Variants in CDC42SE2 observed in about 807,000 individuals in gnomAD.
CDC42SE2 encodes CDC42 small effector 2.
A neutral mutation model predicts 11.5 loss-of-function variants in CDC42SE2; 3 were observed. The observed-to-expected ratio is 0.26, with a 90% CI of 0.12 to 0.67. CDC42SE2 has a LOEUF of 0.67. CDC42SE2 is among the 30% of genes least tolerant of loss of function. The probability of loss-of-function intolerance (pLI) is 0.80; values close to 1 mark genes in which losing one functional copy is unlikely to be tolerated. For synonymous variants in CDC42SE2, 33 were observed against 34.8 expected, an observed-to-expected ratio of 0.95 and a Z score of 0.18; for missense variants, 82 against 106.8, an observed-to-expected ratio of 0.77 and a Z score of 1.02.
upstream of CDC42SE2, among the ~76,000 whole-genome samples, chr5:131,244,070 A>C (rs1756560508): frequency 1.3e-5 from 2 of 152,258 alleles, no homozygotes; most frequent in Admixed American, 1.3e-4. Context: ...TTCAGGCTTT[A>C]AAACAAAAAG....
intron 1 of CDC42SE2, among the ~76,000 whole-genome samples, chr5:131,307,126 T>G (rs1757795458): frequency 6.6e-6 from 1 of 151,984 alleles, no homozygotes; most frequent in Non-Finnish European, 1.5e-5. Flanking sequence ...GCAGGTTAGT[T>G]ACATATGTAT....
chr5:131,315,308 T>A (rs1758018274), intron 1 of CDC42SE2, among the ~76,000 whole-genome samples: 1 of 152,198 alleles, frequency 6.6e-6, no homozygotes, highest in African/African-American at 2.4e-5. Flanking sequence ...AGCTTCTGAC[T>A]CTTAAGTCCA....
chr5:131,355,293 A>G (rs956281563), intron 2 of CDC42SE2, among the ~76,000 whole-genome samples: 2 of 152,174 alleles, frequency 1.3e-5, no homozygotes, highest in Admixed American at 6.6e-5. Flanking sequence ...CCTGGGCAAC[A>G]TAGTGAGACC....
chr5:131,300,900 C>T (rs1454051797), intron 1 of CDC42SE2, among the ~76,000 whole-genome samples: 1 of 152,042 alleles, frequency 6.6e-6, no homozygotes, highest in East Asian at 1.9e-4. Flanking sequence ...AAATAGTTTC[C>T]GTTTTTTAGC....
At chr5:131,261,203 T>C (rs1756722288), upstream of CDC42SE2, 1 of 152,246 alleles carries the variant, frequency 6.6e-6, no homozygotes, top group African/African-American at 2.4e-5. Context: ...TATCGGTATT[T>C]TCACTGTATA....
At chr5:131,231,549 G>T in the CDC42SE2 span, among the ~76,000 whole-genome samples, 35 of 152,036 alleles carry the variant, frequency 2.3e-4, no homozygotes, top group African/African-American at 7.2e-4. Context: ...AATCTAACAC[G>T]ACCTTTCTCA....
chr5:131,315,162 C>G (rs1224432745), intron 1 of CDC42SE2, among the ~76,000 whole-genome samples: 3 of 151,876 alleles, frequency 2.0e-5, no homozygotes, highest in Admixed American at 2.0e-4. Context: ...TCAGGTTGGA[C>G]ACGTTAGATT....
At chr5:131,308,776 G>A (rs1462293583) in intron 1 of CDC42SE2, among the ~76,000 whole-genome samples, 1 of 151,526 alleles carries the variant, frequency 6.6e-6, no homozygotes, top group Non-Finnish European at 1.5e-5. Flanking sequence ...GAATGCTTGT[G>A]ATTTTTGTAC....
chr5:131,390,966 T>G, intron 4 of CDC42SE2, 27 bp from the exon 5 acceptor site: 1 of 1,512,038 alleles, frequency 6.6e-7, no homozygotes, highest in Non-Finnish European at 9.2e-7. Context: ...TTCCATTTTG[T>G]TTTGTTGTAT....
chr5:131,355,713 C>A (rs969821572), intron 2 of CDC42SE2, among the ~76,000 whole-genome samples: 1 of 89,372 alleles, frequency 1.1e-5, no homozygotes, highest in African/African-American at 3.7e-5. Flanking sequence ...AAAAAAAAAA[C>A]CTAGTTACCT....
chr5:131,338,961 G>C (rs1172561262), intron 2 of CDC42SE2, among the ~76,000 whole-genome samples: 3 of 152,080 alleles, frequency 2.0e-5, no homozygotes, highest in African/African-American at 7.2e-5. Context: ...AAGAATGCTT[G>C]TTCAGGCCGG....
At position 131,249,717 on chromosome 5, in the gene CDC42SE2, A is replaced by G. The variant is rs78248730; in HGVS notation, n.107+4118A>G. Among the ~76,000 whole-genome samples, 300 of 152,290 alleles carry G rather than the reference A, an allele frequency of 2.0e-3. 1 individual carries two copies. Among genetic ancestry groups the G allele is most frequent in the African/African-American group, 7.0e-3 (289 of 41,562 alleles). On this transcript the variant is annotated intron_variant and non_coding_transcript_variant, in intron 1 of 3. Transcript: ENST00000502840. ...CAGCTTTATTGATCAGAAAAATGCA[A>G]ATAAGGACTGCAGAGATTAGCTGGG... is the stretch of plus-strand genomic sequence containing the variant.
chr5:131,336,444 G>A lies in CDC42SE2; in HGVS notation c.-286+20300G>A, dbSNP rs1451697537. The stretch of plus-strand genomic sequence containing the variant: ...CAACTTTGATGAATCTGACAATTAC[G>A]TGTCTTGGAGTTGCTCTTCTCGAGG... On this transcript the variant is annotated intron_variant, in intron 2 of 4. Transcript: ENST00000505065. 3.3e-5 allele frequency among the ~76,000 whole-genome samples: 5 copies of A among 152,158 alleles called. No homozygotes were observed. The East Asian group carries it at 5.8e-4, about 18-fold the overall frequency.
At chr5:131,380,493 A>G (rs1750290396) in intron 3 of CDC42SE2, among the ~76,000 whole-genome samples, 1 of 152,186 alleles carries the variant, frequency 6.6e-6, no homozygotes, top group Non-Finnish European at 1.5e-5. Context: ...CCATTCTTTA[A>G]ATGTCCACAT....
chr5:131,347,562 C>A lies in CDC42SE2; in HGVS notation c.-285-11647C>A, dbSNP rs528801193. 4.8e-4 allele frequency among the ~76,000 whole-genome samples: 73 copies of A among 152,130 alleles called. 1 individual carries two copies. Among genetic ancestry groups the A allele is most frequent in the Non-Finnish European group, 4.6e-4 (31 of 68,022 alleles). On this transcript the variant is annotated intron_variant, in intron 2 of 4. Transcript: ENST00000505065. ...CACATAGATTCACAGCCGAATTCTA[C>A]CAGAGGTACAAAGAGGAGCTGGTAC...
chr5:131,334,421 TTC>T (rs1256843953), intron 2 of CDC42SE2, among the ~76,000 whole-genome samples: 2 of 152,206 alleles, frequency 1.3e-5, no homozygotes, highest in Non-Finnish European at 2.9e-5. Context: ...TGGTCTAAAA[TTC>T]TCTTTTTTGG....
chr5:131,375,031 CT>C (rs371146670), intron 3 of CDC42SE2, among the ~76,000 whole-genome samples: 34,864 of 138,526 alleles, frequency 0.25, 4,315 homozygotes, highest in East Asian at 0.49. Context: ...TTCTCCCCTC[CT>C]TTTTTTTTTT....
At chr5:131,235,027 TACAG>T in the CDC42SE2 span, among the ~76,000 whole-genome samples, 1 of 151,484 alleles carries the variant, frequency 6.6e-6, no homozygotes, top group Non-Finnish European at 1.5e-5. Context: ...CAGCTGGGAT[TACAG>T]GCACCCGCCA....
At chr5:131,216,083 AG>A in the CDC42SE2 span, among the ~76,000 whole-genome samples, 2 of 152,256 alleles carry the variant, frequency 1.3e-5, no homozygotes, top group Admixed American at 1.3e-4. Context: ...ACATTTTCAG[AG>A]GAGGAAAATG....
Sources: allele counts gnomAD v4.1 joint callset (sites outside exome capture counted in the v4.1 genomes callset), GRCh38; gene constraint gnomAD v4.1.1; transcripts MANE v1.5; gene names NCBI Gene and HGNC (gene_info 2026-07-23, HGNC 2026-07-21).